HPGDS: variants seen among roughly 807,000 people sequenced by gnomAD.
HPGDS encodes hematopoietic prostaglandin D synthase.
HPGDS carries 26 observed loss-of-function variants against 23.1 expected under a neutral mutation model. That is an observed-to-expected ratio of 1.13 (90% CI 0.83 to 1.56). The LOEUF is 1.56. Ranked by LOEUF, HPGDS falls within the 40% of genes most tolerant of loss-of-function variation. The pLI is 0.00. For synonymous variants in HPGDS, 95 were observed against 77.9 expected (o/e 1.22, Z -1.16); for missense variants, 268 against 236.4 (o/e 1.13, Z -0.88).
At chr4:94,301,825 T>C (rs1001852953) in intron 5 of HPGDS, among the ~76,000 whole-genome samples, 1 of 152,136 alleles carries the variant, frequency 6.6e-6, no homozygotes, top group Non-Finnish European at 1.5e-5. Context: ...ATGATACTTC[T>C]TGAAATAGTT....
intron 2 of HPGDS, among the ~76,000 whole-genome samples, chr4:94,323,476 T>C (rs1186372027): frequency 1.3e-5 from 2 of 152,236 alleles, no homozygotes; most frequent in East Asian, 3.8e-4. Flanking sequence ...TTTAGGATAG[T>C]TAGCTCTTCT....
At chr4:94,316,658 A>T (rs552696005) in intron 3 of HPGDS, among the ~76,000 whole-genome samples, 1 of 152,326 alleles carries the variant, frequency 6.6e-6, no homozygotes, top group Non-Finnish European at 1.5e-5. Context: ...TTTGAAGTTC[A>T]TTCTTCTTCT....
At chr4:94,313,962 T>C (rs887598505) in intron 3 of HPGDS, among the ~76,000 whole-genome samples, 6 of 152,314 alleles carry the variant, frequency 3.9e-5, no homozygotes, top group African/African-American at 1.4e-4. Context: ...CATCATGTAG[T>C]TCTCGTGCCA....
intron 3 of HPGDS, 35 bp from the exon 4 acceptor site, chr4:94,308,778 AT>A: frequency 8.9e-7 from 1 of 1,120,338 alleles, no homozygotes; most frequent in Non-Finnish European, 1.3e-6. Flanking sequence ...AATATGTTTA[AT>A]TTACTATATT....
chr4:94,315,101 C>T (rs1249632395), intron 3 of HPGDS, among the ~76,000 whole-genome samples: 1 of 152,188 alleles, frequency 6.6e-6, no homozygotes, highest in East Asian at 1.9e-4. Flanking sequence ...TGAGGCGATG[C>T]CTCACCCTGT....
At chr4:94,300,187 C>T (rs1429448225) in intron 5 of HPGDS, among the ~76,000 whole-genome samples, 5 of 152,034 alleles carry the variant, frequency 3.3e-5, no homozygotes, top group Non-Finnish European at 5.9e-5. Flanking sequence ...CTTTGTACTA[C>T]GTAGTATAAA....
At chr4:94,310,155 C>T (rs193140575) in intron 3 of HPGDS, among the ~76,000 whole-genome samples, 16 of 152,106 alleles carry the variant, frequency 1.1e-4, no homozygotes, top group African/African-American at 2.4e-4. Context: ...TTTGTCAATT[C>T]TGGCTTTTGT....
intron 2 of HPGDS, 75 bp downstream of exon 2, chr4:94,334,422 T>G: frequency 7.4e-7 from 1 of 1,358,588 alleles, no homozygotes; most frequent in Non-Finnish European, 9.9e-7. Context: ...CCTTGATTTT[T>G]TTTTCATTTC....
intron 3 of HPGDS, among the ~76,000 whole-genome samples, chr4:94,310,010 T>A (rs901584545): frequency 1.3e-5 from 2 of 152,184 alleles, no homozygotes; most frequent in Non-Finnish European, 2.9e-5. Flanking sequence ...GTTTGAGTTC[T>A]TTATAGATTC....
chr4:94,308,997 C>T (rs1424041112), intron 3 of HPGDS, among the ~76,000 whole-genome samples: 7 of 147,134 alleles, frequency 4.8e-5, no homozygotes, highest in Non-Finnish European at 1.0e-4. Context: ...TATGCTTCCT[C>T]ATCCCATGTC....
At chr4:94,305,852 G>A (rs1396282797) in intron 4 of HPGDS, among the ~76,000 whole-genome samples, 2 of 152,116 alleles carry the variant, frequency 1.3e-5, no homozygotes, top group African/African-American at 2.4e-5. Flanking sequence ...ATACCTAGGT[G>A]ATGAGGCTAT....
At chr4:94,342,182 G>A (rs75010196) in intron 1 of HPGDS, among the ~76,000 whole-genome samples, 1 of 150,692 alleles carries the variant, frequency 6.6e-6, no homozygotes, top group Non-Finnish European at 1.5e-5. Context: ...GTCATTTTAA[G>A]TGACTGTTTC....
chr4:94,340,845 C>CTT (rs1355637850), intron 1 of HPGDS, among the ~76,000 whole-genome samples: 1,277 of 97,132 alleles, frequency 0.013, 92 homozygotes, highest in African/African-American at 0.037. Context: ...TTTTTTTTTT[C>CTT]TTTCTTTTTT....
At chr4:94,311,360 G>T (rs1382207230) in intron 3 of HPGDS, among the ~76,000 whole-genome samples, 3 of 151,172 alleles carry the variant, frequency 2.0e-5, no homozygotes, top group Admixed American at 1.3e-4. Context: ...CTGTGGAATT[G>T]TGTCCAAGGC....
intron 1 of HPGDS, among the ~76,000 whole-genome samples, chr4:94,338,711 A>G (rs1437075945): frequency 6.6e-6 from 1 of 152,226 alleles, no homozygotes; most frequent in Admixed American, 6.5e-5. Context: ...AACATCTACT[A>G]TTCAGCATAA....
At chr4:94,302,325 C>T in intron 4 of HPGDS, 81 bp from the exon 5 acceptor site, 2 of 898,710 alleles carry the variant, frequency 2.2e-6, no homozygotes, top group Non-Finnish European at 3.6e-6. Context: ...ATTTCTCCAT[C>T]TTTATTCTCC....
chr4:94,319,010 G>A (rs1756451297), intron 2 of HPGDS, among the ~76,000 whole-genome samples: 1 of 152,136 alleles, frequency 6.6e-6, no homozygotes. Flanking sequence ...ACCACGCCTG[G>A]CCTATGGATG....
chr4:94,316,569 T>C (rs1756402789), intron 3 of HPGDS, among the ~76,000 whole-genome samples: 1 of 148,436 alleles, frequency 6.7e-6, no homozygotes, highest in Non-Finnish European at 1.5e-5. Context: ...AAAGTCCATA[T>C]TCTAGATCCT....
At chr4:94,329,732 T>C (rs751446796) in intron 2 of HPGDS, among the ~76,000 whole-genome samples, 18 of 152,228 alleles carry the variant, frequency 1.2e-4, no homozygotes, top group Non-Finnish European at 1.9e-4. Context: ...TTGGGATAAC[T>C]GCCCACAACT....
Sources: gnomAD v4.1 joint callset for allele counts (sites outside exome capture counted in the v4.1 genomes callset) on GRCh38, gnomAD v4.1.1 for gene constraint, MANE v1.5 for transcripts, NCBI Gene and HGNC (gene_info 2026-07-23, HGNC 2026-07-21) for gene names.